Variants in ARHGEF28 observed in about 807,000 individuals in gnomAD.
ARHGEF28 encodes the protein Rho guanine nucleotide exchange factor 28.
ARHGEF28 carries 152 observed loss-of-function variants against 206.6 expected under a neutral mutation model. That is an observed-to-expected ratio of 0.74 (90% CI 0.64 to 0.84). The LOEUF is 0.84. Ranked by LOEUF, ARHGEF28 falls within the 40% of genes least tolerant of loss-of-function variation. ARHGEF28 has a pLI of 0.00. For synonymous variants in ARHGEF28, 763 were observed against 776.4 expected, an observed-to-expected ratio of 0.98 and a Z score of 0.29; for missense variants, 2,028 against 2,073.2, an observed-to-expected ratio of 0.98 and a Z score of 0.42.
chr5:73,801,372 G>A (rs1266073129), intron 9 of ARHGEF28, among the ~76,000 whole-genome samples: 4 of 152,002 alleles, frequency 2.6e-5, no homozygotes, highest in Non-Finnish European at 4.4e-5. Flanking sequence ...GCGTGAACCC[G>A]GGAGGCAGAG....
chr5:73,714,218 A>G (rs191994009), intron 2 of ARHGEF28, among the ~76,000 whole-genome samples: 3 of 152,228 alleles, frequency 2.0e-5, no homozygotes, highest in East Asian at 3.8e-4. Context: ...GGAGAAGATC[A>G]AGGTCACTTG....
intron 9 of ARHGEF28, among the ~76,000 whole-genome samples, chr5:73,811,953 A>G (rs1755862087): frequency 1.4e-5 from 2 of 147,890 alleles, no homozygotes; most frequent in South Asian, 4.4e-4. Flanking sequence ...ACTGTACTCC[A>G]GCCTAGGCGA....
intron 9 of ARHGEF28, among the ~76,000 whole-genome samples, chr5:73,811,675 G>A (rs925757333): frequency 3.3e-5 from 5 of 152,122 alleles, no homozygotes; most frequent in African/African-American, 9.7e-5. Flanking sequence ...AGAATAATAC[G>A]TACTTATTCA....
intron 1 of ARHGEF28, among the ~76,000 whole-genome samples, chr5:73,638,249 G>T (rs1743851839): frequency 6.6e-6 from 1 of 152,198 alleles, no homozygotes; most frequent in African/African-American, 2.4e-5. Flanking sequence ...AAACAGAAAA[G>T]ATGATTCCTT....
At chr5:73,935,004 A>G (rs1764339108) in intron 35 of ARHGEF28, among the ~76,000 whole-genome samples, 2 of 152,242 alleles carry the variant, frequency 1.3e-5, no homozygotes, top group Admixed American at 1.3e-4. Flanking sequence ...AAGGAAGAGC[A>G]TGAGAGTGAA....
intron 2 of ARHGEF28, among the ~76,000 whole-genome samples, chr5:73,687,186 T>C (rs981536366): frequency 3.9e-5 from 6 of 152,114 alleles, no homozygotes; most frequent in Non-Finnish European, 8.8e-5. Context: ...AAAGTTACTA[T>C]GTAACTAGAA....
chr5:73,776,236 CTA>C (rs2112451980), intron 5 of ARHGEF28, among the ~76,000 whole-genome samples: 1 of 152,212 alleles, frequency 6.6e-6, no homozygotes, highest in Admixed American at 6.5e-5. Context: ...AGGTAAAGTA[CTA>C]TGTTTAAAAT....
intron 1 of ARHGEF28, among the ~76,000 whole-genome samples, chr5:73,642,654 C>A (rs1183814397): frequency 6.6e-6 from 1 of 151,914 alleles, no homozygotes; most frequent in Non-Finnish European, 1.5e-5. Flanking sequence ...GCCTTGATTC[C>A]GTCTTCTTGG....
chr5:73,804,281 C>G (rs79872384), intron 9 of ARHGEF28, among the ~76,000 whole-genome samples: 8,145 of 152,058 alleles, frequency 0.054, 292 homozygotes, highest in African/African-American at 0.096. Flanking sequence ...CTCTTGAGAT[C>G]TTATTAACCC....
chr5:73,680,434 CAAAAAAAAAAAAAAA>C (rs71615795), intron 1 of ARHGEF28, among the ~76,000 whole-genome samples: 7 of 30,514 alleles, frequency 2.3e-4, no homozygotes, highest in African/African-American at 7.0e-4. Flanking sequence ...GACTCCATCT[CAAAAAAAAAAAAAAA>C]AAAAAAAAAA....
At chr5:73,632,184 G>C (rs1743411915) in intron 1 of ARHGEF28, among the ~76,000 whole-genome samples, 1 of 152,124 alleles carries the variant, frequency 6.6e-6, no homozygotes, top group Admixed American at 6.6e-5. Context: ...TATCCGATGT[G>C]GATTGCGTTG....
intron 4 of ARHGEF28, among the ~76,000 whole-genome samples, chr5:73,760,957 T>C (rs2112421536): frequency 6.6e-6 from 1 of 152,332 alleles, no homozygotes; most frequent in East Asian, 1.9e-4. Flanking sequence ...AATAGAGAAT[T>C]ACGCACTTAC....
Position 73,664,117 on chromosome 5 carries a change from C to A in ARHGEF28, c.-11-20724C>A, listed in dbSNP as rs144887666. On this transcript the variant is annotated intron_variant, in intron 1 of 35. Transcript: ENST00000513042. ...CTCTCACAGCACTTAATGTTTAACT[C>A]GGTCATCCCCACATTTCCCTCCTTA... is the stretch of plus-strand genomic sequence containing the variant. 1.4e-4 allele frequency among the ~76,000 whole-genome samples: 22 copies of A among 152,300 alleles called. 1 individual carries two copies. The South Asian group carries it at 4.6e-3, about 32-fold the overall frequency.
At position 73,794,488 on chromosome 5, in the gene ARHGEF28, G is replaced by T. The variant is rs553928008; in HGVS notation, c.963+34G>T. Reference sequence around the variant, plus strand: ...TGACTCCCTGCTTCTTTCTTTGCACGTCTTTCCATAAAGTAGAAATGAAGA... The same window carrying T: ...TGACTCCCTGCTTCTTTCTTTGCACTTCTTTCCATAAAGTAGAAATGAAGA... On this transcript the variant is annotated intron_variant, in intron 8 of 35. Transcript: ENST00000513042. 9 of 1,510,716 alleles carry T rather than the reference G, an allele frequency of 6.0e-6. No homozygotes were observed. The East Asian group carries it at 2.1e-4, about 35-fold the overall frequency. 93.6% of individuals were successfully genotyped at this position (1,510,716 alleles called of 1,614,324 possible). A position where few individuals can be genotyped will look rare whatever the true frequency, so the allele number is the denominator to read the frequency against.
intron 9 of ARHGEF28, among the ~76,000 whole-genome samples, chr5:73,812,761 C>T (rs1272752788): frequency 6.6e-6 from 1 of 152,108 alleles, no homozygotes; most frequent in Non-Finnish European, 1.5e-5. Flanking sequence ...GCTATAAAGG[C>T]ACCAAAATCC....
In ARHGEF28 at chr5:73,840,607, G is replaced by T. The variant is rs764097892; in HGVS notation, c.1274G>T (p.Ser425Ile). The T allele has an allele frequency of 6.2e-7, 1 of 1,613,966 alleles. No homozygotes were observed. Among genetic ancestry groups the T allele is most frequent in the Admixed American group, 1.7e-5 (1 of 60,006 alleles). Residue 425 changes from serine to isoleucine, a missense_variant, in exon 11 of 36, where the codon AGT (serine) becomes ATT (isoleucine). Ser to Ile is a moderately radical substitution (Grantham distance 142, BLOSUM62 -2). This residue lies in a region of ARHGEF28 where 1,002 missense variants were observed against 1,015.3 expected (regional missense o/e 0.99). Transcript: ENST00000513042. ...ACCCTTCCTACAGAAACCAGTCCCA[G>T]TGTGTACCCACTTAGTGAAAATGTC... ...KHTLPTETSP[S>I]VYPLSENVEG...
intron 2 of ARHGEF28, among the ~76,000 whole-genome samples, chr5:73,748,758 G>T (rs1212725196): frequency 6.6e-6 from 1 of 151,550 alleles, no homozygotes; most frequent in Non-Finnish European, 1.5e-5. Flanking sequence ...CCACCTCCAG[G>T]TTTCCATTTC....
intron 4 of ARHGEF28, among the ~76,000 whole-genome samples, chr5:73,756,797 G>C (rs1265866804): frequency 6.6e-6 from 1 of 152,126 alleles, no homozygotes; most frequent in African/African-American, 2.4e-5. Flanking sequence ...TTTTAATTTT[G>C]TACTTTAGAA....
At chr5:73,632,589 C>G (rs960207759) in intron 1 of ARHGEF28, among the ~76,000 whole-genome samples, 3 of 152,144 alleles carry the variant, frequency 2.0e-5, no homozygotes, top group African/African-American at 7.2e-5. Context: ...AACAATTTCT[C>G]TTATATGGTA....
Sources: allele counts gnomAD v4.1 joint callset (sites outside exome capture counted in the v4.1 genomes callset), GRCh38; gene constraint gnomAD v4.1.1; regional missense constraint gnomAD v4.1.1; transcripts MANE v1.5; gene names NCBI Gene and HGNC (gene_info 2026-07-23, HGNC 2026-07-21).